Variants in NRG1 observed in about 807,000 individuals in gnomAD.
NRG1 encodes the protein neuregulin 1.
In NRG1, 18 loss-of-function variants were observed where a neutral mutation model predicts 63.8. The ratio of observed to expected loss-of-function variants is 0.28; its 90% CI spans 0.19 to 0.42. The LOEUF is 0.42. Among genes scored for constraint, NRG1 ranks in the 10% least tolerant of loss-of-function variants. NRG1 has a pLI of 1.00. For synonymous variants in NRG1, 302 were observed against 301.3 expected (o/e 1.00, Z -0.02); for missense variants, 762 against 814.7 (o/e 0.94, Z 0.79).
chr8:32,159,536 G>T (rs1271254952), intron 1 of NRG1, among the ~76,000 whole-genome samples: 3 of 124,190 alleles, frequency 2.4e-5, no homozygotes, highest in Non-Finnish European at 4.7e-5. Context: ...GCGAGACTCC[G>T]TCTCAAAAAA....
intron 1 of NRG1, among the ~76,000 whole-genome samples, chr8:32,006,069 C>A (rs1293956738): frequency 6.6e-6 from 1 of 151,894 alleles, no homozygotes; most frequent in Non-Finnish European, 1.5e-5. Context: ...AGTTTCGAGG[C>A]ATTATTCAAT....
intron 1 of NRG1, among the ~76,000 whole-genome samples, chr8:32,122,647 A>G (rs1031021124): frequency 6.6e-6 from 1 of 151,196 alleles, no homozygotes; most frequent in Non-Finnish European, 1.5e-5. Context: ...ATTATACTTT[A>G]AGTTTTAGGG....
intron 1 of NRG1, among the ~76,000 whole-genome samples, chr8:32,534,963 A>G (rs1831812059): frequency 6.6e-6 from 1 of 152,216 alleles, no homozygotes; most frequent in Non-Finnish European, 1.5e-5. Flanking sequence ...TGAAAAACAC[A>G]TGTAAGCTAA....
chr8:32,524,607 G>A lies in NRG1; in HGVS notation c.38-71221G>A, dbSNP rs115225707. ...GATGAACAGCCTGTTTCAGTATCAT[G>A]GGTCTAAAACCAGACACCGGTTTTT... is the stretch of plus-strand genomic sequence containing the variant. On this transcript the variant is annotated intron_variant, in intron 1 of 10. Transcript: ENST00000519301. Among the ~76,000 whole-genome samples the A allele has an allele frequency of 6.1e-3, 934 of 152,024 alleles. 11 individuals are homozygous for A. The highest frequency in any genetic ancestry group is 0.02 in the African/African-American group (848 of 41,466).
intron 1 of NRG1, among the ~76,000 whole-genome samples, chr8:32,487,051 A>AT (rs909022955): frequency 9.2e-5 from 14 of 152,160 alleles, no homozygotes; most frequent in Admixed American, 1.3e-4. Context: ...AATAAATCAT[A>AT]TTTTTTTAAT....
chr8:32,361,462 A>G (rs1807207387), intron 1 of NRG1, among the ~76,000 whole-genome samples: 1 of 152,152 alleles, frequency 6.6e-6, no homozygotes, highest in African/African-American at 2.4e-5. Flanking sequence ...AGGGGTCTCA[A>G]GCCTTCATCC....
chr8:32,760,585 T>A (rs1589644181), intron 11 of NRG1, 179 bp downstream of exon 11: 34 of 1,412,536 alleles, frequency 2.4e-5, no homozygotes, highest in South Asian at 1.4e-4. Flanking sequence ...TTATTTCTTC[T>A]GAGCTTCTCT....
intron 1 of NRG1, among the ~76,000 whole-genome samples, chr8:32,225,655 A>G (rs1275640627): frequency 6.6e-6 from 1 of 152,160 alleles, no homozygotes; most frequent in East Asian, 1.9e-4. Flanking sequence ...TAAATATACT[A>G]TTGAACAGGT....
At chr8:31,757,129 T>C (rs1050174586) in intron 1 of NRG1, among the ~76,000 whole-genome samples, 2 of 152,152 alleles carry the variant, frequency 1.3e-5, no homozygotes, top group Non-Finnish European at 2.9e-5. Context: ...ATGTTTAAGA[T>C]TGGGAACATT....
chr8:31,639,664 C>A (rs1029449175), intron 1 of NRG1: 15 of 1,383,542 alleles, frequency 1.1e-5, no homozygotes, highest in South Asian at 3.2e-5. Context: ...AGGGCTCGGG[C>A]GCGGCGGCGG....
chr8:32,298,313 C>T (rs1586689769), intron 1 of NRG1, among the ~76,000 whole-genome samples: 2 of 152,212 alleles, frequency 1.3e-5, no homozygotes, highest in Non-Finnish European at 2.9e-5. Flanking sequence ...CAAGGCCTGG[C>T]AGAACTGACT....
At chr8:32,312,804 TC>T (rs1408858774) in intron 1 of NRG1, among the ~76,000 whole-genome samples, 3 of 151,724 alleles carry the variant, frequency 2.0e-5, no homozygotes, top group Non-Finnish European at 4.4e-5. Context: ...CTTCCTTCCT[TC>T]CTTCCATCCT....
At chr8:32,582,840 A>G (rs539764577) in intron 1 of NRG1, among the ~76,000 whole-genome samples, 1 of 152,334 alleles carries the variant, frequency 6.6e-6, no homozygotes, top group East Asian at 1.9e-4. Flanking sequence ...TCATGCTTCA[A>G]GGTTTTCTGA....
chr8:32,414,731 T>C (rs1459973368), intron 1 of NRG1, among the ~76,000 whole-genome samples: 3 of 152,172 alleles, frequency 2.0e-5, no homozygotes, highest in African/African-American at 4.8e-5. Context: ...TTTTAAGCCA[T>C]GTTTTAGAAT....
At chr8:32,250,798 C>A (rs1849018506) in intron 1 of NRG1, among the ~76,000 whole-genome samples, 1 of 151,742 alleles carries the variant, frequency 6.6e-6, no homozygotes, top group Admixed American at 6.6e-5. Context: ...CAGCAGTTTC[C>A]AATGCCATGT....
intron 1 of NRG1, among the ~76,000 whole-genome samples, chr8:32,087,760 C>T (rs112483467): frequency 0.02 from 3,008 of 152,174 alleles, 111 homozygotes; most frequent in African/African-American, 0.069. Flanking sequence ...TGAGGCGCTG[C>T]GCCTAACCAT....
downstream of NRG1, among the ~76,000 whole-genome samples, chr8:32,768,770 T>G (rs1391817930): frequency 2.0e-5 from 3 of 152,210 alleles, no homozygotes; most frequent in Non-Finnish European, 4.4e-5. Context: ...TTCTGAAGTG[T>G]ATGAAGTAAA....
At chr8:31,763,351 T>C (rs1307230106) in intron 1 of NRG1, among the ~76,000 whole-genome samples, 1 of 152,222 alleles carries the variant, frequency 6.6e-6, no homozygotes, top group Admixed American at 6.5e-5. Flanking sequence ...TTTAGTTAGA[T>C]GAAAAACACT....
At chr8:32,407,275 TTATA>T (rs529128261) in intron 1 of NRG1, among the ~76,000 whole-genome samples, 3 of 47,600 alleles carry the variant, frequency 6.3e-5, no homozygotes, top group African/African-American at 2.1e-4. Flanking sequence ...TATATATATA[TTATA>T]TATATATATA....
Sources: gnomAD v4.1 joint callset for allele counts (sites outside exome capture counted in the v4.1 genomes callset) on GRCh38, gnomAD v4.1.1 for gene constraint, MANE v1.5 for transcripts, NCBI Gene and HGNC (gene_info 2026-07-23, HGNC 2026-07-21) for gene names.